CACNA1C: variants seen among roughly 807,000 people sequenced by gnomAD.
CACNA1C encodes the protein calcium voltage-gated channel subunit alpha1 C.
A neutral mutation model predicts 229.0 loss-of-function variants in CACNA1C; 30 were observed. The ratio of observed to expected loss-of-function variants is 0.13; its 90% CI spans 0.10 to 0.18. CACNA1C has a LOEUF of 0.18. Ranked by LOEUF, CACNA1C falls within the 10% of genes least tolerant of loss-of-function variation. CACNA1C has a pLI of 1.00. For synonymous variants in CACNA1C, 1,114 were observed against 1,132.5 expected (o/e 0.98, Z 0.33); for missense variants, 1,658 against 2,845.0 (o/e 0.58, Z 9.49).
chr12:2,112,728 C>T lies in CACNA1C; in HGVS notation c.50-2496C>T, dbSNP rs193018687. Among the ~76,000 whole-genome samples, 76 of 152,248 alleles carry T rather than the reference C, an allele frequency of 5.0e-4. No individual in the cohort carries two copies. In the East Asian group the frequency reaches 0.012, roughly 24 times the overall value. The stretch of plus-strand genomic sequence containing the variant: ...TCTTGGGATCATGCAGGGGTGGTAG[C>T]TATGTGGCATGAGTGATGCCATTCC... On this transcript the variant is annotated intron_variant, in intron 1 of 46. Coordinates refer to ENST00000399655, the MANE Select transcript of CACNA1C (RefSeq NM_000719.7).
At chr12:2,527,368 A>G (rs779341162) in intron 9 of CACNA1C, among the ~76,000 whole-genome samples, 18 of 152,164 alleles carry the variant, frequency 1.2e-4, no homozygotes, top group Non-Finnish European at 2.5e-4. Context: ...ACTCTCAACA[A>G]CTTACTGATG....
intron 3 of CACNA1C, among the ~76,000 whole-genome samples, chr12:2,376,573 G>A (rs1326231372): frequency 1.3e-5 from 2 of 152,172 alleles, no homozygotes; most frequent in Admixed American, 1.3e-4. Context: ...GGAGCTGCTG[G>A]CGGCAAACTT....
intron 3 of CACNA1C, among the ~76,000 whole-genome samples, chr12:2,147,068 C>T (rs943945577): frequency 2.6e-5 from 4 of 151,250 alleles, no homozygotes; most frequent in African/African-American, 9.7e-5. Context: ...TATCTCCATA[C>T]TAGCTCTATC....
intron 3 of CACNA1C, among the ~76,000 whole-genome samples, chr12:2,268,357 G>A (rs1003153790): frequency 2.0e-5 from 3 of 152,232 alleles, no homozygotes; most frequent in African/African-American, 7.2e-5. Context: ...TGAACCACAC[G>A]GGGCTCTGGC....
intron 1 of CACNA1C, among the ~76,000 whole-genome samples, chr12:2,101,819 G>A (rs972851160): frequency 1.3e-5 from 2 of 151,844 alleles, no homozygotes; most frequent in East Asian, 1.9e-4. Context: ...TCACAAGGTC[G>A]CTGCCTCCTG....
intron 3 of CACNA1C, among the ~76,000 whole-genome samples, chr12:2,136,026 C>G (rs1472964231): frequency 1.3e-5 from 2 of 150,682 alleles, no homozygotes; most frequent in Non-Finnish European, 3.0e-5. Context: ...GTTTTTTAAG[C>G]CGGTCTGAAA....
intron 4 of CACNA1C, among the ~76,000 whole-genome samples, chr12:2,452,235 C>T (rs752184163): frequency 6.6e-6 from 1 of 152,028 alleles, no homozygotes; most frequent in Non-Finnish European, 1.5e-5. Flanking sequence ...TGGCACAAGA[C>T]ACGTGGCATT....
At chr12:2,463,103 G>GA (rs994507652) in intron 5 of CACNA1C, among the ~76,000 whole-genome samples, 2 of 150,960 alleles carry the variant, frequency 1.3e-5, no homozygotes, top group Non-Finnish European at 3.0e-5. Context: ...AGTAGAGACG[G>GA]GTTTCACCGG....
At chr12:2,368,159 A>G (rs2097769361) in intron 3 of CACNA1C, among the ~76,000 whole-genome samples, 1 of 124,098 alleles carries the variant, frequency 8.1e-6, no homozygotes. Context: ...CTAGGAATAG[A>G]ATGACAGCTA....
chr12:2,356,411 G>A (rs2097364209), intron 3 of CACNA1C, among the ~76,000 whole-genome samples: 1 of 152,270 alleles, frequency 6.6e-6, no homozygotes, highest in South Asian at 2.1e-4. Flanking sequence ...CTGAGAGGCA[G>A]TGTGGTATGG....
intron 3 of CACNA1C, among the ~76,000 whole-genome samples, chr12:2,420,975 A>G (rs2098972809): frequency 1.3e-5 from 2 of 152,176 alleles, no homozygotes; most frequent in South Asian, 4.1e-4. Context: ...TATTTTAGTC[A>G]GATCCTGTGA....
intron 9 of CACNA1C, among the ~76,000 whole-genome samples, chr12:2,535,715 A>AAAAAAAAAAAAAAAAAAAAAAAAAAC (rs2099852772): frequency 6.8e-6 from 1 of 147,152 alleles, no homozygotes; most frequent in Non-Finnish European, 1.5e-5. Flanking sequence ...AAAAAAAAAA[A>AAAAAAAAAAAAAAAAAAAAAAAAAAC]AAAAAAAAAA....
At chr12:2,670,409 A>G (rs1006174397) in intron 38 of CACNA1C, among the ~76,000 whole-genome samples, 3 of 152,188 alleles carry the variant, frequency 2.0e-5, no homozygotes, top group African/African-American at 7.2e-5. Context: ...GACTAGAGAA[A>G]GGTGATGACA....
In CACNA1C at chr12:2,653,856, C is replaced by T; in HGVS notation, c.4096C>T (p.Leu1366=). Residue 1366 remains leucine, a synonymous_variant, in exon 33 of 47, where the codon CTG becomes TTG. Coordinates refer to ENST00000399655, the MANE Select transcript of CACNA1C (RefSeq NM_000719.7). The surrounding 1 kb of genome is among the most constrained non-coding windows in gnomAD (Gnocchi z 4.7). The stretch of plus-strand genomic sequence containing the variant: ...CCAGGCCCTGCCCTATGTGGCCCTC[C>T]TGATCGTGATGCTGTTCTTCATCTA... ...SFQALPYVAL[L]IVMLFFIYAV... is the part of the protein sequence containing the mutation. The T allele has an allele frequency of 3.1e-6, 5 of 1,613,976 alleles. No individual in the cohort carries two copies. The highest frequency in any genetic ancestry group is 4.2e-6 in the Non-Finnish European group (5 of 1,179,896).
intron 3 of CACNA1C, among the ~76,000 whole-genome samples, chr12:2,247,306 T>A (rs1345680716): frequency 6.6e-6 from 1 of 152,216 alleles, no homozygotes; most frequent in East Asian, 1.9e-4. Context: ...TCCTGCACCC[T>A]CTCTGCCCTG....
intron 18 of CACNA1C, among the ~76,000 whole-genome samples, chr12:2,589,283 G>A (rs1369811585): frequency 6.6e-6 from 1 of 152,236 alleles, no homozygotes; most frequent in Non-Finnish European, 1.5e-5. Context: ...CACATGATGT[G>A]AAGATAGTAA....
rs182108401 is a variant in CACNA1C at position 2,100,995 on chromosome 12, C to G, written c.50-14229C>G. ...CTAGCCTGGGCGACAAGGGTGAGAC[C>G]CATCTCAAAAAAAAAAAAAAAAGAA... On this transcript the variant is annotated intron_variant, in intron 1 of 46. Transcript: ENST00000399655. Among the ~76,000 whole-genome samples the G allele has an allele frequency of 1.5e-3, 215 of 142,988 alleles. 4 individuals carry two copies. The highest frequency in any genetic ancestry group is 5.3e-3 in the African/African-American group (196 of 36,966). 93.8% of individuals were successfully genotyped at this position (142,988 alleles called of 152,430 possible).
chr12:2,490,885 A>G (rs2099723098), intron 6 of CACNA1C, among the ~76,000 whole-genome samples: 1 of 152,184 alleles, frequency 6.6e-6, no homozygotes, highest in African/African-American at 2.4e-5. Flanking sequence ...AGACCTTTGC[A>G]CCTTGATCAA....
At chr12:2,066,386 A>G (rs1425031452) in intron 1 of CACNA1C, among the ~76,000 whole-genome samples, 1 of 152,170 alleles carries the variant, frequency 6.6e-6, no homozygotes, top group African/African-American at 2.4e-5. Flanking sequence ...AGACAATGAC[A>G]GAGTAGTCAG....
Sources: allele counts gnomAD v4.1 joint callset (sites outside exome capture counted in the v4.1 genomes callset), GRCh38; gene constraint gnomAD v4.1.1; non-coding constraint Gnocchi (gnomAD v3.1); transcripts MANE v1.5; gene names NCBI Gene and HGNC (gene_info 2026-07-23, HGNC 2026-07-21).